FBXW7: variants seen among roughly 807,000 people sequenced by gnomAD.
FBXW7 encodes F-box and WD repeat domain containing 7.
FBXW7 carries 11 observed loss-of-function variants against 86.3 expected under a neutral mutation model. The observed-to-expected ratio is 0.13, with a 90% CI of 0.08 to 0.21. The LOEUF (loss-of-function observed/expected upper bound fraction) is 0.21. FBXW7 is among the 10% of genes least tolerant of loss of function. The probability of loss-of-function intolerance (pLI) is 1.00; values close to 1 mark genes in which losing one functional copy is unlikely to be tolerated. For missense variants in FBXW7, 488 were observed against 847.4 expected (o/e 0.58, Z 5.27); for synonymous variants, 313 against 297.9 (o/e 1.05, Z -0.52).
intron 2 of FBXW7, among the ~76,000 whole-genome samples, chr4:152,488,506 A>G (rs1477370091): frequency 1.3e-5 from 2 of 152,112 alleles, no homozygotes; most frequent in African/African-American, 4.8e-5. Context: ...TTGTTAGTCT[A>G]TGAAACATCA....
chr4:152,429,370 G>A (rs1169018520), intron 2 of FBXW7, among the ~76,000 whole-genome samples: 1 of 151,446 alleles, frequency 6.6e-6, no homozygotes, highest in Non-Finnish European at 1.5e-5. Context: ...GGGGGAAGTT[G>A]GGTGGTGGGG....
chr4:152,376,778 TG>T lies in FBXW7; in HGVS notation c.502-26655del, dbSNP rs539644816. 4.2e-3 allele frequency among the ~76,000 whole-genome samples: 640 copies of T among 152,248 alleles called. 1 individual carries two copies. The highest frequency in any genetic ancestry group is 7.8e-3 in the Non-Finnish European group (530 of 68,002). On this transcript the variant is annotated intron_variant, in intron 4 of 13. Coordinates refer to ENST00000281708, the MANE Select transcript of FBXW7 (RefSeq NM_001349798.2). ...GCATTGTCTTTTGAGGATAGTCACC[TG>T]TTAGGCACCCTGTTCTCAGTTGCCT... is the stretch of plus-strand genomic sequence containing the variant.
intron 2 of FBXW7, among the ~76,000 whole-genome samples, chr4:152,420,182 T>A (rs1738815656): frequency 1.3e-5 from 2 of 152,164 alleles, no homozygotes; most frequent in South Asian, 4.1e-4. Flanking sequence ...CAAAGCCTCT[T>A]CACTAGGAGT....
rs1728680699 is a variant in FBXW7 at position 152,323,009 on chromosome 4, C to T, written c.1996G>A (p.Gly666Arg). Residue 666 changes from glycine (G) to arginine (R), a missense_variant, in exon 14 of 14, where the codon GGG (glycine) becomes AGG (arginine). By Grantham distance (125) the Gly-to-Arg change is moderately radical. This residue lies in a region of FBXW7 where 142 missense variants were observed against 406.6 expected (regional missense o/e 0.35). Coordinates refer to ENST00000281708, the MANE Select transcript of FBXW7 (RefSeq NM_001349798.2). Reference protein sequence around the residue: ...FIRNLVTLESGGSGGVVWRIR... With the variant: ...FIRNLVTLESRGSGGVVWRIR... ...CGCCACACAACTCCCCCACTCCCCC[C>T]ACTCTCCAATGTGACTAGGTTTCGA... is the stretch of plus-strand genomic sequence containing the variant. The T allele has an allele frequency of 1.2e-6, 2 of 1,613,900 alleles. No individual in the cohort carries two copies. Among genetic ancestry groups the T allele is most frequent in the Non-Finnish European group, 1.7e-6 (2 of 1,179,874 alleles).
intron 2 of FBXW7, among the ~76,000 whole-genome samples, chr4:152,427,087 G>A (rs1048720009): frequency 4.6e-5 from 7 of 152,176 alleles, no homozygotes; most frequent in Non-Finnish European, 7.3e-5. Flanking sequence ...ATCATTTAAT[G>A]AAATTGGTGT....
At chr4:152,487,452 ACT>A (rs1335173679) in intron 2 of FBXW7, among the ~76,000 whole-genome samples, 2 of 152,088 alleles carry the variant, frequency 1.3e-5, no homozygotes. Flanking sequence ...GTAAATAAAC[ACT>A]GAGTGAAAAA....
intron 2 of FBXW7, among the ~76,000 whole-genome samples, chr4:152,519,830 A>T (rs1430031295): frequency 6.6e-6 from 1 of 152,238 alleles, no homozygotes; most frequent in African/African-American, 2.4e-5. Context: ...TTAAAAGCAT[A>T]GACCATGGAG....
intron 2 of FBXW7, among the ~76,000 whole-genome samples, chr4:152,432,474 A>G (rs1250718314): frequency 6.6e-6 from 1 of 152,226 alleles, no homozygotes; most frequent in East Asian, 1.9e-4. Context: ...GAGTTTTGAA[A>G]AACATATATA....
chr4:152,375,517 A>G (rs1237180843), intron 4 of FBXW7, among the ~76,000 whole-genome samples: 4 of 152,136 alleles, frequency 2.6e-5, no homozygotes, highest in Non-Finnish European at 5.9e-5. Context: ...ATTATCTCCT[A>G]TAAGAATAAA....
intron 2 of FBXW7, among the ~76,000 whole-genome samples, chr4:152,527,775 T>C (rs905828088): frequency 4.0e-5 from 6 of 151,582 alleles, no homozygotes; most frequent in Non-Finnish European, 7.4e-5. Context: ...AGCAACCCTG[T>C]CTCTAAAAAA....
intron 2 of FBXW7, among the ~76,000 whole-genome samples, chr4:152,444,306 T>C (rs967795817): frequency 4.2e-5 from 6 of 142,846 alleles, no homozygotes; most frequent in African/African-American, 1.1e-4. Context: ...GGCTGGATGG[T>C]TAGTCCAAAC....
intron 2 of FBXW7, among the ~76,000 whole-genome samples, chr4:152,415,860 T>G (rs541379603): frequency 6.6e-6 from 1 of 152,276 alleles, no homozygotes; most frequent in South Asian, 2.1e-4. Context: ...ACTTCCTTCA[T>G]AGAGGACTCT....
At chr4:152,528,153 T>A (rs779756015) in intron 2 of FBXW7, among the ~76,000 whole-genome samples, 5 of 151,888 alleles carry the variant, frequency 3.3e-5, no homozygotes, top group African/African-American at 1.2e-4. Context: ...ATACACTAGG[T>A]ACAGGTACAC....
intron 6 of FBXW7, among the ~76,000 whole-genome samples, chr4:152,344,003 G>A (rs987869549): frequency 1.3e-5 from 2 of 152,002 alleles, no homozygotes; most frequent in Admixed American, 6.6e-5. Context: ...ACTGCCTTAG[G>A]AGCAATAGCA....
At chr4:152,372,637 C>T (rs1000708974) in intron 4 of FBXW7, among the ~76,000 whole-genome samples, 1 of 151,844 alleles carries the variant, frequency 6.6e-6, no homozygotes, top group Non-Finnish European at 1.5e-5. Flanking sequence ...TTTACCTTGC[C>T]AGGAGCTTAG....
intron 2 of FBXW7, among the ~76,000 whole-genome samples, chr4:152,467,879 C>T (rs188674221): frequency 6.6e-6 from 1 of 152,114 alleles, no homozygotes; most frequent in Admixed American, 6.5e-5. Context: ...AAGAGATAAT[C>T]CATAGGAGAA....
chr4:152,535,420 G>T lies in FBXW7; in HGVS notation c.-506C>A. The T allele has an allele frequency of 2.6e-6, 1 of 388,788 alleles. No homozygotes were observed. The highest frequency in any genetic ancestry group is 3.6e-5 in the East Asian group (1 of 27,528). The allele number at this position is 388,788 out of a possible 1,614,324, so 24.1% of individuals were successfully genotyped here. A position where few individuals can be genotyped will look rare whatever the true frequency, so the allele number is the denominator to read the frequency against. ...GGGCTGAGGGGAGGGGGAAGGTGAG[G>T]AAAGGACGGCGGCGTCGGTCCTGTT... On this transcript the variant is annotated 5_prime_UTR_variant, in exon 1 of 14. Transcript: ENST00000281708.
intron 2 of FBXW7, among the ~76,000 whole-genome samples, chr4:152,506,906 A>G (rs1747474268): frequency 6.6e-6 from 1 of 152,240 alleles, no homozygotes; most frequent in African/African-American, 2.4e-5. Context: ...TCAATGTGCA[A>G]TATGCACACT....
At chr4:152,446,431 T>TG in intron 2 of FBXW7, among the ~76,000 whole-genome samples, 1 of 152,054 alleles carries the variant, frequency 6.6e-6, no homozygotes, top group South Asian at 2.1e-4. Flanking sequence ...CAAGGTCAAG[T>TG]ATTCTAATAC....
Sources: allele counts gnomAD v4.1 joint callset (sites outside exome capture counted in the v4.1 genomes callset), GRCh38; gene constraint gnomAD v4.1.1; regional missense constraint gnomAD v4.1.1; transcripts MANE v1.5; gene names NCBI Gene and HGNC (gene_info 2026-07-23, HGNC 2026-07-21).